Variants in USP48 observed in about 807,000 individuals in gnomAD.
USP48 encodes ubiquitin carboxyl-terminal hydrolase 48.
In USP48, 43 loss-of-function variants were observed where a neutral mutation model predicts 150.7. That is an observed-to-expected ratio of 0.29 (90% CI 0.22 to 0.37). The LOEUF (loss-of-function observed/expected upper bound fraction) is 0.37, where lower values mean the gene tolerates loss of function less well. Among genes scored for constraint, USP48 ranks in the 10% least tolerant of loss-of-function variants. USP48 has a pLI of 1.00. For missense variants in USP48, 813 were observed against 1,249.6 expected (o/e 0.65, Z 5.27); for synonymous variants, 396 against 425.9 (o/e 0.93, Z 0.86).
At position 21,747,235 on chromosome 1, in the gene USP48, A is replaced by T. The variant is rs945827195; in HGVS notation, c.909-86T>A. 1.8e-4 allele frequency: 146 copies of T among 821,876 alleles called. No individual in the cohort carries two copies. In the African/African-American group the frequency reaches 2.3e-3, roughly 13 times the overall value. The allele number at this position is 821,876 out of a possible 1,614,324, so 50.9% of individuals were successfully genotyped here. On this transcript the variant is annotated intron_variant, in intron 7 of 26. Coordinates refer to ENST00000308271, the MANE Select transcript of USP48 (RefSeq NM_032236.8). Reference sequence around the variant, plus strand: ...CTCTATTAGCTATTTTAATAAACTCAACAGTAGCTAGCTTTCACTTCACAA... The same window carrying T: ...CTCTATTAGCTATTTTAATAAACTCTACAGTAGCTAGCTTTCACTTCACAA...
At chr1:21,684,013 TATAAC>T (rs1409005246) in intron 25 of USP48, among the ~76,000 whole-genome samples, 1 of 152,224 alleles carries the variant, frequency 6.6e-6, no homozygotes, top group Non-Finnish European at 1.5e-5. Flanking sequence ...TACATATAAA[TATAAC>T]ATATCAAGGC....
chr1:21,719,863 A>C (rs1447452260), intron 14 of USP48, among the ~76,000 whole-genome samples: 4 of 152,196 alleles, frequency 2.6e-5, no homozygotes, highest in African/African-American at 9.6e-5. Context: ...CAGCCTGAGC[A>C]AAAAGAGCAA....
rs566369487 is a variant in USP48 at position 21,754,565 on chromosome 1, TTC to T, written c.413-1448_413-1447del. The stretch of plus-strand genomic sequence containing the variant: ...GATGAGAGATGGGCTCTGCAAATAC[TTC>T]TCCTTTGCCAGTTATCAAGAAGGTA... On this transcript the variant is annotated intron_variant, in intron 3 of 26. Coordinates refer to ENST00000308271, the MANE Select transcript of USP48 (RefSeq NM_032236.8). Among the ~76,000 whole-genome samples, 15 of 152,288 alleles carry T rather than the reference TTC, an allele frequency of 9.8e-5. No homozygotes were observed. In the East Asian group the frequency reaches 2.9e-3, roughly 29 times the overall value.
chr1:21,706,672 T>G, intron 16 of USP48, 72 bp downstream of exon 16: 2 of 1,611,170 alleles, frequency 1.2e-6, no homozygotes, highest in South Asian at 1.1e-5. Flanking sequence ...AGAAGTACAG[T>G]GTTAATTCCC....
chr1:21,685,404 C>T (rs1202446007), intron 25 of USP48, among the ~76,000 whole-genome samples: 1 of 151,534 alleles, frequency 6.6e-6, no homozygotes, highest in Admixed American at 6.6e-5. Flanking sequence ...TCACTGCATC[C>T]ACTGGGTTCA....
chr1:21,773,562 A>G (rs530715257), intron 1 of USP48, among the ~76,000 whole-genome samples: 7 of 152,342 alleles, frequency 4.6e-5, no homozygotes, highest in African/African-American at 1.7e-4. Context: ...AATGAAAATA[A>G]GATGCTATTT....
Position 21,710,771 on chromosome 1 carries a change from T to C in USP48, c.1964-3903A>G, listed in dbSNP as rs2097687990. Among the ~76,000 whole-genome samples, 4 of 151,340 alleles carry C rather than the reference T, an allele frequency of 2.6e-5. No individual in the cohort carries two copies. The South Asian group carries it at 8.3e-4, about 32-fold the overall frequency. On this transcript the variant is annotated intron_variant, in intron 15 of 26. Coordinates refer to ENST00000308271, the MANE Select transcript of USP48 (RefSeq NM_032236.8). ...AACTGCATTTACTTTAAGTGCCTCA[T>C]GAAACATCATCAAATCACAATAAAG... is the stretch of plus-strand genomic sequence containing the variant.
At position 21,690,088 on chromosome 1, in the gene USP48, T is replaced by C. The variant is rs2097593015; in HGVS notation, c.2895A>G (p.Ala965=). The change falls in exon 24 of 27, where the codon GCA becomes GCG. Residue 965 remains alanine, a synonymous_variant. Transcript: ENST00000308271. ...TCTGGTCAAAAGGAGCAACTGAAAA[T>C]GCATGCATGATCTGTGCCAATATAA... The part of the protein sequence containing the change: ...LKELKIQIMH[A]FSVAPFDQNL... 3.7e-6 allele frequency: 6 copies of C among 1,613,306 alleles called. No individual in the cohort carries two copies. Among genetic ancestry groups the C allele is most frequent in the East Asian group, 2.2e-5 (1 of 44,838 alleles).
At chr1:21,750,936 C>T (rs2097810846) in intron 6 of USP48, among the ~76,000 whole-genome samples, 1 of 151,594 alleles carries the variant, frequency 6.6e-6, no homozygotes, top group Admixed American at 6.6e-5. Flanking sequence ...TCAGGCATGC[C>T]CATGGATGAG....
chr1:21,749,996 T>C (rs1329327154), intron 6 of USP48, among the ~76,000 whole-genome samples: 2 of 152,166 alleles, frequency 1.3e-5, no homozygotes, highest in Admixed American at 6.6e-5. Context: ...CAAGACACCA[T>C]GCACTCCCAT....
intron 21 of USP48, among the ~76,000 whole-genome samples, 188 bp from the exon 22 acceptor site, chr1:21,701,790 T>G (rs2097657773): frequency 1.3e-5 from 2 of 152,190 alleles, no homozygotes; most frequent in Admixed American, 6.5e-5. Context: ...AACATGTTAG[T>G]TTTTTACCCT....
At chr1:21,681,133 A>C in intron 25 of USP48, 1 of 246,118 alleles carries the variant, frequency 4.1e-6, no homozygotes, top group Non-Finnish European at 7.7e-6. Context: ...CATGTAACTG[A>C]CTCCTCTGGA....
At chr1:21,720,025 T>C (rs2097715709) in intron 14 of USP48, among the ~76,000 whole-genome samples, 2 of 152,284 alleles carry the variant, frequency 1.3e-5, no homozygotes, top group African/African-American at 4.8e-5. Flanking sequence ...TGACATCTTA[T>C]GAACCACTGA....
chr1:21,720,245 G>A (rs1387391207), intron 14 of USP48, among the ~76,000 whole-genome samples: 1 of 152,160 alleles, frequency 6.6e-6, no homozygotes, highest in African/African-American at 2.4e-5. Context: ...AATATATTAT[G>A]CCAATTTGCA....
chr1:21,723,793 C>A, intron 12 of USP48, 105 bp downstream of exon 12: 1 of 986,188 alleles, frequency 1.0e-6, no homozygotes, highest in South Asian at 1.6e-5. Flanking sequence ...AATATTTGGT[C>A]TAGCATAGTT....
At position 21,678,809 on chromosome 1, in the gene USP48, C is replaced by T. The variant is rs2097557754; in HGVS notation, c.*608G>A. On this transcript the variant is annotated 3_prime_UTR_variant, in exon 27 of 27. Coordinates refer to ENST00000308271, the MANE Select transcript of USP48 (RefSeq NM_032236.8). Reference sequence around the variant, plus strand: ...AGGTGCCCCCTCCTTTACCCAATACCAAGAGACAGACGGCCGGGCAGGTGT... The same window carrying T: ...AGGTGCCCCCTCCTTTACCCAATACTAAGAGACAGACGGCCGGGCAGGTGT... The T allele has an allele frequency of 6.4e-6, 1 of 155,954 alleles. No individual in the cohort carries two copies. Among genetic ancestry groups the T allele is most frequent in the Non-Finnish European group, 1.4e-5 (1 of 70,942 alleles). 9.7% of individuals were successfully genotyped at this position (155,954 alleles called of 1,614,324 possible).
At chr1:21,699,833 C>G (rs923706239) in intron 22 of USP48, among the ~76,000 whole-genome samples, 2 of 150,780 alleles carry the variant, frequency 1.3e-5, no homozygotes, top group African/African-American at 4.9e-5. Flanking sequence ...CACACACACA[C>G]TTTTAATATA....
rs77996919 is a variant in USP48 at position 21,710,114 on chromosome 1, T to C, written c.1964-3246A>G. On this transcript the variant is annotated intron_variant, in intron 15 of 26. Coordinates refer to ENST00000308271, the MANE Select transcript of USP48 (RefSeq NM_032236.8). ...ACTGGGACACATAAATTGTTAGAAA[T>C]TAAACTTGTATCCTGCAATGAAACA... 1.8e-3 allele frequency among the ~76,000 whole-genome samples: 270 copies of C among 152,278 alleles called. 1 individual carries two copies. Among genetic ancestry groups the C allele is most frequent in the African/African-American group, 6.3e-3 (261 of 41,562 alleles).
intron 8 of USP48, among the ~76,000 whole-genome samples, chr1:21,744,547 G>A (rs9287039): frequency 0.11 from 17,396 of 151,530 alleles, 1,202 homozygotes; most frequent in African/African-American, 0.19. Flanking sequence ...AGGACAAGGC[G>A]GGCAGATCAC....
Sources: gnomAD v4.1 joint callset for allele counts (sites outside exome capture counted in the v4.1 genomes callset) on GRCh38, gnomAD v4.1.1 for gene constraint, MANE v1.5 for transcripts, NCBI Gene and HGNC (gene_info 2026-07-23, HGNC 2026-07-21) for gene names.